VTI1A: variants seen among roughly 807,000 people sequenced by gnomAD.
The protein encoded by VTI1A is vesicle transport through interaction with t-SNAREs homolog 1A.
A neutral mutation model predicts 34.9 loss-of-function variants in VTI1A; 22 were observed. That is an observed-to-expected ratio of 0.63 (90% CI 0.45 to 0.90). The LOEUF (loss-of-function observed/expected upper bound fraction) is 0.90, where lower values mean the gene tolerates loss of function less well. Among genes scored for constraint, VTI1A ranks in the 40% least tolerant of loss-of-function variants. The pLI, the probability that VTI1A is intolerant of heterozygous loss-of-function variation, is 0.00. For missense variants in VTI1A, 268 were observed against 275.6 expected (o/e 0.97, Z 0.20); for synonymous variants, 87 against 97.3 (o/e 0.89, Z 0.62).
chr10:112,830,223 A>C, the VTI1A span, among the ~76,000 whole-genome samples: 11 of 152,104 alleles, frequency 7.2e-5, no homozygotes, highest in Non-Finnish European at 1.5e-4. Flanking sequence ...CTGACTTGGC[A>C]TAGCCTTTCG....
intron 1 of VTI1A, among the ~76,000 whole-genome samples, chr10:112,451,892 G>C (rs1236341141): frequency 6.6e-6 from 1 of 152,170 alleles, no homozygotes; most frequent in Non-Finnish European, 1.5e-5. Flanking sequence ...AAATGTGGCT[G>C]TTGCTACATT....
At chr10:112,520,666 TA>T in intron 3 of VTI1A, among the ~76,000 whole-genome samples, 1 of 149,222 alleles carries the variant, frequency 6.7e-6, no homozygotes, top group South Asian at 2.1e-4. Context: ...TATATATATA[TA>T]TATATAAAAC....
rs1844366414 is a variant in VTI1A, at chr10:112,591,035, A to C, written c.427+52705A>C. Among the ~76,000 whole-genome samples the C allele has an allele frequency of 2.0e-5, 3 of 152,184 alleles. No individual in the cohort carries two copies. The South Asian group carries it at 6.2e-4, about 32-fold the overall frequency. Reference sequence around the variant, plus strand: ...AGAATCGCTTGAACGCAGGAGGCAGAGGTTGCAGTGAGCCGAGATTGCATC... The same window carrying C: ...AGAATCGCTTGAACGCAGGAGGCAGCGGTTGCAGTGAGCCGAGATTGCATC... On this transcript the variant is annotated intron_variant, in intron 5 of 7. Coordinates refer to ENST00000393077, the MANE Select transcript of VTI1A (RefSeq NM_145206.4).
the VTI1A span, among the ~76,000 whole-genome samples, chr10:112,843,749 G>A: frequency 3.3e-5 from 5 of 152,106 alleles, no homozygotes; most frequent in Admixed American, 1.3e-4. Flanking sequence ...ACACAGTCAC[G>A]TTCCTCAAGG....
chr10:112,542,595 G>A (rs1012396021), intron 5 of VTI1A, among the ~76,000 whole-genome samples: 15 of 152,256 alleles, frequency 9.9e-5, no homozygotes, highest in South Asian at 4.2e-4. Context: ...AGGGCCCTGC[G>A]TGTCCTGATG....
chr10:112,506,509 A>C (rs1460753467), intron 3 of VTI1A, among the ~76,000 whole-genome samples: 1 of 152,136 alleles, frequency 6.6e-6, no homozygotes. Flanking sequence ...GGGTTTTTGC[A>C]GTCTACTTTC....
chr10:112,765,967 G>A (rs1410633612), intron 7 of VTI1A, among the ~76,000 whole-genome samples: 1 of 152,188 alleles, frequency 6.6e-6, no homozygotes, highest in Non-Finnish European at 1.5e-5. Context: ...TGAGACATGA[G>A]CTGAGGTATG....
chr10:112,720,101 C>G (rs1849747535), intron 7 of VTI1A, among the ~76,000 whole-genome samples: 1 of 152,160 alleles, frequency 6.6e-6, no homozygotes, highest in South Asian at 2.1e-4. Context: ...TTTTATTTGT[C>G]CATTTATCAA....
the VTI1A span, among the ~76,000 whole-genome samples, chr10:112,850,577 GA>G: frequency 1.3e-5 from 2 of 152,090 alleles, no homozygotes; most frequent in African/African-American, 4.8e-5. Flanking sequence ...TGAAGTTAAT[GA>G]AACTTAAGTT....
At chr10:112,457,122 C>T (rs1847559248) in intron 1 of VTI1A, among the ~76,000 whole-genome samples, 1 of 152,078 alleles carries the variant, frequency 6.6e-6, no homozygotes, top group South Asian at 2.1e-4. Flanking sequence ...AGACTGCATA[C>T]TAGAAACCTT....
chr10:112,636,461 C>G (rs898725976), intron 5 of VTI1A, among the ~76,000 whole-genome samples: 1 of 152,064 alleles, frequency 6.6e-6, no homozygotes, highest in East Asian at 1.9e-4. Flanking sequence ...TGCAGTGGCT[C>G]ATGCCAGTAA....
At chr10:112,464,753 C>A in intron 3 of VTI1A, 96 bp downstream of exon 3, 1 of 1,028,136 alleles carries the variant, frequency 9.7e-7, no homozygotes, top group Non-Finnish European at 1.5e-6. Context: ...CTTTTGGGCT[C>A]ATGTAGAAGA....
intron 5 of VTI1A, among the ~76,000 whole-genome samples, chr10:112,578,105 G>A (rs1843777671): frequency 6.6e-6 from 1 of 152,162 alleles, no homozygotes; most frequent in Non-Finnish European, 1.5e-5. Context: ...GATGCTTTAG[G>A]AGACGAATCT....
At chr10:112,742,709 C>T (rs1850735310) in intron 7 of VTI1A, among the ~76,000 whole-genome samples, 1 of 152,156 alleles carries the variant, frequency 6.6e-6, no homozygotes, top group South Asian at 2.1e-4. Flanking sequence ...TTCTAGTTGG[C>T]ATCTCTGTTC....
At chr10:112,728,672 G>T (rs1242979330) in intron 7 of VTI1A, among the ~76,000 whole-genome samples, 4 of 152,126 alleles carry the variant, frequency 2.6e-5, no homozygotes, top group African/African-American at 9.7e-5. Flanking sequence ...AAAAAAAATA[G>T]AATCATACTT....
At chr10:112,598,349 A>G (rs1211477494) in intron 5 of VTI1A, among the ~76,000 whole-genome samples, 1 of 152,194 alleles carries the variant, frequency 6.6e-6, no homozygotes, top group Non-Finnish European at 1.5e-5. Context: ...TTTCCTTCTG[A>G]ACCATTGTTT....
intron 3 of VTI1A, among the ~76,000 whole-genome samples, chr10:112,516,008 A>G (rs534474693): frequency 4.6e-5 from 7 of 152,194 alleles, no homozygotes; most frequent in South Asian, 2.1e-4. Flanking sequence ...ATGTTCCCCA[A>G]TACAAATTGA....
At chr10:112,833,927 G>A in the VTI1A span, among the ~76,000 whole-genome samples, 7 of 152,290 alleles carry the variant, frequency 4.6e-5, no homozygotes, top group African/African-American at 9.6e-5. Context: ...GAGCCACTTC[G>A]GAGCTCAGGA....
chr10:112,715,179 T>C (rs926649255), intron 7 of VTI1A, among the ~76,000 whole-genome samples: 1 of 152,194 alleles, frequency 6.6e-6, no homozygotes, highest in Non-Finnish European at 1.5e-5. Flanking sequence ...CACCATGTTA[T>C]TCAGTTCTCC....
Sources: allele counts gnomAD v4.1 joint callset (sites outside exome capture counted in the v4.1 genomes callset), GRCh38; gene constraint gnomAD v4.1.1; transcripts MANE v1.5; gene names NCBI Gene and HGNC (gene_info 2026-07-23, HGNC 2026-07-21).